AIG1: variants seen among roughly 807,000 people sequenced by gnomAD.
AIG1 encodes the protein androgen induced 1.
A neutral mutation model predicts 31.4 loss-of-function variants in AIG1; 23 were observed. The observed-to-expected ratio is 0.73, with a 90% confidence interval of 0.53 to 1.04. The LOEUF is 1.04. AIG1 is among the 50% of genes least tolerant of loss of function. The probability of loss-of-function intolerance (pLI) is 0.00; values close to 1 mark genes in which losing one functional copy is unlikely to be tolerated. For missense variants in AIG1, 274 were observed against 295.0 expected, an observed-to-expected ratio of 0.93 and a Z score of 0.52; for synonymous variants, 100 against 110.5, an observed-to-expected ratio of 0.90 and a Z score of 0.60.
At chr6:143,342,707 G>T (rs1222582543), downstream of AIG1, 1 of 1,122,224 alleles carries the variant, frequency 8.9e-7, no homozygotes, top group Non-Finnish European at 1.4e-6. Flanking sequence ...CTTCAGAAAG[G>T]AGATTAACAA....
chr6:143,212,022 C>T (rs1387678892), intron 3 of AIG1, among the ~76,000 whole-genome samples: 2 of 152,154 alleles, frequency 1.3e-5, no homozygotes, highest in South Asian at 2.1e-4. Context: ...TATTTGGGAC[C>T]GGATAATTCT....
chr6:143,228,518 A>G (rs1170854930), intron 3 of AIG1, among the ~76,000 whole-genome samples: 2 of 152,190 alleles, frequency 1.3e-5, no homozygotes, highest in East Asian at 3.9e-4. Context: ...CAAAACTAGG[A>G]GAGTCTACAG....
At chr6:143,244,099 A>G (rs557804201) in intron 3 of AIG1, among the ~76,000 whole-genome samples, 2 of 152,378 alleles carry the variant, frequency 1.3e-5, no homozygotes, top group East Asian at 3.9e-4. Flanking sequence ...TGAGGGAATC[A>G]TACCCAGCAG....
chr6:143,270,535 G>A (rs1796443381), intron 3 of AIG1, among the ~76,000 whole-genome samples: 1 of 152,200 alleles, frequency 6.6e-6, no homozygotes, highest in Non-Finnish European at 1.5e-5. Context: ...TGAGCTGTGA[G>A]CTAAATTGCC....
At chr6:143,073,649 G>A (rs1251779032) in intron 1 of AIG1, among the ~76,000 whole-genome samples, 1 of 152,172 alleles carries the variant, frequency 6.6e-6, no homozygotes, top group Non-Finnish European at 1.5e-5. Flanking sequence ...TATAAGAAAA[G>A]AGGTTTAATT....
intron 3 of AIG1, among the ~76,000 whole-genome samples, chr6:143,278,468 T>C (rs376197930): frequency 6.6e-6 from 1 of 150,922 alleles, no homozygotes; most frequent in African/African-American, 2.4e-5. Flanking sequence ...TCTTTTCTTT[T>C]TTTTTTTTTT....
At chr6:143,177,675 G>A (rs1156571443) in intron 3 of AIG1, among the ~76,000 whole-genome samples, 2 of 152,180 alleles carry the variant, frequency 1.3e-5, no homozygotes, top group African/African-American at 2.4e-5. Context: ...CAGTTTGGGG[G>A]CTCCGGCAGT....
At chr6:143,239,379 A>G (rs901561395) in intron 3 of AIG1, among the ~76,000 whole-genome samples, 7 of 152,216 alleles carry the variant, frequency 4.6e-5, no homozygotes, top group Admixed American at 1.3e-4. Context: ...AACCCATGCT[A>G]ACACTGCCAC....
intron 3 of AIG1, among the ~76,000 whole-genome samples, chr6:143,203,939 G>T (rs551196848): frequency 1.3e-5 from 2 of 152,270 alleles, no homozygotes; most frequent in Non-Finnish European, 2.9e-5. Context: ...AATAAAAACA[G>T]TAGGTATAAA....
intron 2 of AIG1, among the ~76,000 whole-genome samples, chr6:143,149,981 T>C (rs572420550): frequency 6.6e-6 from 1 of 152,224 alleles, no homozygotes; most frequent in African/African-American, 2.4e-5. Flanking sequence ...AAAAACTTTT[T>C]GGCAAGAAGT....
intron 3 of AIG1, among the ~76,000 whole-genome samples, chr6:143,194,437 G>A (rs1790058343): frequency 6.6e-6 from 1 of 152,166 alleles, no homozygotes; most frequent in Admixed American, 6.5e-5. Flanking sequence ...TGAGATTTGG[G>A]TGGGGACACA....
chr6:143,235,975 C>T (rs1793775879), intron 3 of AIG1, among the ~76,000 whole-genome samples: 2 of 152,180 alleles, frequency 1.3e-5, no homozygotes, highest in Admixed American at 6.5e-5. Context: ...GAAGGTAGGG[C>T]AGGGAAGGGA....
intron 2 of AIG1, among the ~76,000 whole-genome samples, chr6:143,143,777 C>G (rs1318460831): frequency 6.6e-6 from 1 of 151,674 alleles, no homozygotes; most frequent in Non-Finnish European, 1.5e-5. Flanking sequence ...ATGCTTGCCC[C>G]CTGCACTGAA....
chr6:143,264,484 G>A (rs1051822606), intron 3 of AIG1, among the ~76,000 whole-genome samples: 4 of 152,334 alleles, frequency 2.6e-5, no homozygotes, highest in African/African-American at 9.6e-5. Context: ...CGGGTGCCTG[G>A]CGCTTGCAGG....
chr6:143,309,471 T>A (rs1775091073), intron 4 of AIG1, among the ~76,000 whole-genome samples: 2 of 151,692 alleles, frequency 1.3e-5, no homozygotes, highest in Admixed American at 1.3e-4. Flanking sequence ...TATAGAAAAA[T>A]TATAAAAAGA....
In AIG1 at chr6:143,291,172, A is replaced by G. The variant is rs1798035299; in HGVS notation, c.515+6947A>G. Among the ~76,000 whole-genome samples, 1 of 152,200 alleles carries G rather than the reference A, an allele frequency of 6.6e-6. No homozygotes were observed. The highest frequency in any genetic ancestry group is 2.1e-4 in the South Asian group (1 of 4,826). ...GAGTCTTGGAAGGATATGGCAGGGC[A>G]GAGGGAGGGGGAGCTGTAAAGCCGC... On this transcript the variant is annotated intron_variant, in intron 4 of 5. Coordinates refer to ENST00000357847, the MANE Select transcript of AIG1 (RefSeq NM_016108.4). The surrounding 1 kb of genome is among the most constrained non-coding windows in gnomAD (Gnocchi z 4.2).
At chr6:143,066,284 G>GC in intron 1 of AIG1, among the ~76,000 whole-genome samples, 1 of 148,232 alleles carries the variant, frequency 6.7e-6, no homozygotes, top group East Asian at 2.0e-4. Context: ...TATTTTCTTT[G>GC]TTTTTTTTTT....
In AIG1 at chr6:143,291,315, G is replaced by A. The variant is rs756239203; in HGVS notation, c.515+7090G>A. Among the ~76,000 whole-genome samples, 2 of 152,150 alleles carry A rather than the reference G, an allele frequency of 1.3e-5. No individual in the cohort carries two copies. Among genetic ancestry groups the A allele is most frequent in the African/African-American group, 4.8e-5 (2 of 41,426 alleles). ...CCACCCAAGAAAGAATGGCTCCTGGGCAAGAGTTTTCCAGCAGCAGGAAAC... is the reference window on the plus strand; with the variant it reads ...CCACCCAAGAAAGAATGGCTCCTGGACAAGAGTTTTCCAGCAGCAGGAAAC... On this transcript the variant is annotated intron_variant, in intron 4 of 5. Coordinates refer to ENST00000357847, the MANE Select transcript of AIG1 (RefSeq NM_016108.4). This position sits in a 1 kb window ranked among gnomAD's most constrained non-coding sequence, Gnocchi z 4.2.
At chr6:143,145,861 C>G (rs951838797) in intron 2 of AIG1, among the ~76,000 whole-genome samples, 3 of 152,102 alleles carry the variant, frequency 2.0e-5, no homozygotes, top group Non-Finnish European at 4.4e-5. Context: ...TAAGACTAAT[C>G]ATGGACATTT....
Sources: gnomAD v4.1 joint callset for allele counts (sites outside exome capture counted in the v4.1 genomes callset) on GRCh38, gnomAD v4.1.1 for gene constraint, Gnocchi (gnomAD v3.1) non-coding constraint, MANE v1.5 for transcripts, NCBI Gene and HGNC (gene_info 2026-07-23, HGNC 2026-07-21) for gene names.